The following MID1 variants were observed in gnomAD, a reference collection of about 807,000 sequenced individuals.
MID1 encodes the protein E3 ubiquitin-protein ligase Midline-1.
Under a neutral mutation model 40.4 loss-of-function variants are expected in MID1, and 7 were observed. The ratio of observed to expected loss-of-function variants is 0.17; its 90% CI spans 0.10 to 0.33. The LOEUF is 0.33. Ranked by LOEUF, MID1 falls within the 10% of genes least tolerant of loss-of-function variation. The pLI is 1.00. For missense variants in MID1, 367 were observed against 558.5 expected (o/e 0.66, Z 3.46); for synonymous variants, 229 against 221.2 (o/e 1.04, Z -0.31).
intron 7 of MID1, chrX:10,469,382 CTATATA>C (rs1288523365): frequency 8.1e-6 from 8 of 989,479 alleles, no homozygotes; most frequent in Non-Finnish European, 1.0e-5. Flanking sequence ...TGGATTAATA[CTATATA>C]TATATATTTG....
chrX:10,678,914 T>C (rs1010146635), intron 1 of MID1, among the ~76,000 whole-genome samples: 1 of 111,376 alleles, frequency 9.0e-6, no homozygotes. Flanking sequence ...AATGGGCACT[T>C]TTATAGGTTG....
At chrX:10,771,308 A>G (rs971991336) in intron 1 of MID1, among the ~76,000 whole-genome samples, 5 of 110,604 alleles carry the variant, frequency 4.5e-5, no homozygotes, top group Non-Finnish European at 7.5e-5. Context: ...AATAAGGTAA[A>G]TTAAGAGTAG....
At chrX:10,636,463 G>C (rs1936110618) in intron 1 of MID1, among the ~76,000 whole-genome samples, 1 of 110,056 alleles carries the variant, frequency 9.1e-6, no homozygotes, top group Non-Finnish European at 1.9e-5. Flanking sequence ...AAAATTCAAA[G>C]CAATGGAAAC....
intron 1 of MID1, among the ~76,000 whole-genome samples, chrX:10,654,135 A>T (rs1384182401): frequency 1.8e-5 from 2 of 111,990 alleles, no homozygotes; most frequent in Non-Finnish European, 3.8e-5. Context: ...TAACTAGGGC[A>T]TCTAGATATA....
At chrX:10,550,514 G>T (rs1055481853) in intron 2 of MID1, among the ~76,000 whole-genome samples, 3 of 111,963 alleles carry the variant, frequency 2.7e-5, no homozygotes, top group African/African-American at 6.5e-5. Flanking sequence ...AGGCTGCCAG[G>T]CTGCCAGGCT....
chrX:10,571,024 T>G (rs773038243), intron 1 of MID1, among the ~76,000 whole-genome samples: 72 of 112,533 alleles, frequency 6.4e-4, no homozygotes, highest in African/African-American at 2.3e-3. Flanking sequence ...GGAAATGATA[T>G]GCAATGGGCT....
intron 2 of MID1, among the ~76,000 whole-genome samples, chrX:10,523,886 C>T (rs762429953): frequency 3.0e-4 from 34 of 111,854 alleles, no homozygotes; most frequent in South Asian, 7.6e-4. Flanking sequence ...ATAGTATTTA[C>T]ATTGTAATAA....
At chrX:10,515,235 T>C (rs1401175791) in intron 3 of MID1, among the ~76,000 whole-genome samples, 1 of 112,508 alleles carries the variant, frequency 8.9e-6, no homozygotes, top group Non-Finnish European at 1.9e-5. Flanking sequence ...AGTTTACAAA[T>C]GAATGCTTTT....
At position 10,566,933 on chromosome X, in the gene MID1, G is replaced by A. The variant is rs764654266; in HGVS notation, c.615C>T (p.Arg205=). The A allele has an allele frequency of 1.7e-6, 2 of 1,211,416 alleles. No homozygotes were observed. The highest frequency in any genetic ancestry group is 2.2e-6 in the Non-Finnish European group (2 of 895,472). ...CACTCAAAGCTGCCACCTGATGATCGCGGTGCCGCCCAACCAGTTTACACA... is the reference window on the plus strand; with the variant it reads ...CACTCAAAGCTGCCACCTGATGATCACGGTGCCGCCCAACCAGTTTACACA... ...CALCKLVGRH[R]DHQVAALSER... is the part of the protein sequence containing the mutation. The change falls in exon 2 of 10, where the codon CGC becomes CGT. Residue 205 remains arginine, a synonymous_variant. Coordinates refer to ENST00000317552, the MANE Select transcript of MID1 (RefSeq NM_000381.4).
chrX:10,754,309 G>GTTTT lies in MID1; in HGVS notation c.-187+79241_-187+79244dup, dbSNP rs200251008. On this transcript the variant is annotated intron_variant, in intron 1 of 10. Transcript: ENST00000380785. ...AGAATAGACAAGAGAGTTTTTTTTT[G>GTTTT]TTTTTTGTTTTTTGTTTTTTTTGTC... Among the ~76,000 whole-genome samples the GTTTT allele has an allele frequency of 4.6e-3, 476 of 104,430 alleles. 21 individuals carry two copies. Among genetic ancestry groups the GTTTT allele is most frequent in the African/African-American group, 0.018 (458 of 24,961 alleles). 90.7% of individuals were successfully genotyped at this position (104,430 alleles called of 115,157 possible).
intron 1 of MID1, among the ~76,000 whole-genome samples, chrX:10,689,394 C>T (rs1286105627): frequency 9.0e-6 from 1 of 111,176 alleles, no homozygotes; most frequent in Non-Finnish European, 1.9e-5. Context: ...AACTCACTTA[C>T]TATCACAAGA....
chrX:10,522,615 G>A (rs1223718760), intron 3 of MID1, among the ~76,000 whole-genome samples: 2 of 111,616 alleles, frequency 1.8e-5, no homozygotes, highest in Admixed American at 9.4e-5. Flanking sequence ...TCCTGCCTCC[G>A]CCTCTGGAGT....
intron 1 of MID1, among the ~76,000 whole-genome samples, chrX:10,720,305 A>G (rs954707266): frequency 1.8e-5 from 2 of 112,024 alleles, no homozygotes; most frequent in Non-Finnish European, 3.8e-5. Flanking sequence ...CTCATCTGAC[A>G]AAGGGCTAAT....
In MID1 at chrX:10,765,937, GGAAAGGAAAGAAA is replaced by G. The variant is rs1480009191; in HGVS notation, c.-187+67604_-187+67616del. Among the ~76,000 whole-genome samples the G allele has an allele frequency of 4.5e-3, 324 of 72,137 alleles. 1 individual carries two copies. The highest frequency in any genetic ancestry group is 0.013 in the Middle Eastern group (2 of 151). 62.6% of individuals were successfully genotyped at this position (72,137 alleles called of 115,157 possible). ...AAAGAAAGAAAGAAAGGAAAGGAAA[GGAAAGGAAAGAAA>G]GAAAGAAAGAAAGAAAGAAAGAAAG... On this transcript the variant is annotated intron_variant, in intron 1 of 10. Transcript: ENST00000380785.
At chrX:10,459,568 G>A (rs1014799723) in intron 8 of MID1, 78 bp downstream of exon 8, 3 of 1,081,643 alleles carry the variant, frequency 2.8e-6, no homozygotes, top group Admixed American at 2.2e-5. Context: ...ACAGAGAAAA[G>A]GAAAAGAAAG....
At chrX:10,579,542 C>T (rs1934955701) in intron 1 of MID1, among the ~76,000 whole-genome samples, 1 of 111,596 alleles carries the variant, frequency 9.0e-6, no homozygotes, top group Non-Finnish European at 1.9e-5. Context: ...GTAACTGATT[C>T]CCATTGTGTG....
At chrX:10,704,247 C>T in intron 1 of MID1, among the ~76,000 whole-genome samples, 1 of 112,307 alleles carries the variant, frequency 8.9e-6, no homozygotes, top group South Asian at 3.7e-4. Context: ...TTATACTTTA[C>T]TGCTTGTACT....
Position 10,449,395 on chromosome X carries a change from A to G in MID1, c.1977T>C (p.His659=), listed in dbSNP as rs1602232819. 1 of 1,209,554 alleles carries G rather than the reference A, an allele frequency of 8.3e-7. No individual in the cohort carries two copies. Among genetic ancestry groups the G allele is most frequent in the East Asian group, 3.0e-5 (1 of 33,725 alleles). The part of the protein sequence containing the change: ...TIITGLPIPD[H]LDCTEQLP The stretch of plus-strand genomic sequence containing the variant: ...ACGGCAGCTGCTCTGTGCAGTCCAA[A>G]TGGTCTGGGATAGGGAGCCCAGTGA... Residue 659 remains histidine, a synonymous_variant, in exon 10 of 10, where the codon CAT becomes CAC. Coordinates refer to ENST00000317552, the MANE Select transcript of MID1 (RefSeq NM_000381.4).
intron 1 of MID1, among the ~76,000 whole-genome samples, chrX:10,618,803 C>A (rs1935883692): frequency 8.9e-6 from 1 of 111,824 alleles, no homozygotes; most frequent in South Asian, 3.8e-4. Flanking sequence ...TCAGACACCA[C>A]CGAGGAGAGG....
Sources: gnomAD v4.1 joint callset for allele counts (sites outside exome capture counted in the v4.1 genomes callset) on GRCh38, gnomAD v4.1.1 for gene constraint, MANE v1.5 for transcripts, NCBI Gene and HGNC (gene_info 2026-07-23, HGNC 2026-07-21) for gene names.